Variants in SCGB2B2 observed in about 807,000 individuals in gnomAD.
SCGB2B2 encodes secretoglobin-like protein.
A neutral mutation model predicts 7.6 loss-of-function variants in SCGB2B2; 11 were observed. The ratio of observed to expected loss-of-function variants is 1.45; its 90% CI spans 0.91 to 2.40. SCGB2B2 has a LOEUF of 2.40. SCGB2B2 is among the 30% of genes most tolerant of loss of function. SCGB2B2 has a pLI of 0.00. For synonymous variants in SCGB2B2, 50 were observed against 48.6 expected, an observed-to-expected ratio of 1.03 and a Z score of -0.12; for missense variants, 104 against 115.4, an observed-to-expected ratio of 0.90 and a Z score of 0.45.
intron 1 of SCGB2B2, among the ~76,000 whole-genome samples, chr19:34,639,519 T>C (rs191175883): frequency 6.6e-6 from 1 of 152,338 alleles, no homozygotes; most frequent in East Asian, 1.9e-4. Flanking sequence ...GTAATTGCTA[T>C]ATAATGTCAC....
At chr19:34,669,227 A>G (rs1395148366) in intron 1 of SCGB2B2, among the ~76,000 whole-genome samples, 1 of 152,100 alleles carries the variant, frequency 6.6e-6, no homozygotes, top group Non-Finnish European at 1.5e-5. Context: ...CCAATTCCAG[A>G]CACAGTAGCA....
intron 1 of SCGB2B2, among the ~76,000 whole-genome samples, chr19:34,665,385 G>A (rs7253461): frequency 0.11 from 16,853 of 152,224 alleles, 986 homozygotes; most frequent in East Asian, 0.22. Flanking sequence ...CACGGGAGAT[G>A]TCTGATATCA....
At chr19:34,648,416 G>C (rs1016207218) in intron 1 of SCGB2B2, among the ~76,000 whole-genome samples, 1 of 152,198 alleles carries the variant, frequency 6.6e-6, no homozygotes, top group African/African-American at 2.4e-5. Flanking sequence ...CAAAGAAGCT[G>C]TTGATGTAAG....
intron 1 of SCGB2B2, among the ~76,000 whole-genome samples, chr19:34,658,761 A>C (rs940627084): frequency 6.7e-6 from 1 of 149,716 alleles, no homozygotes; most frequent in Non-Finnish European, 1.5e-5. Flanking sequence ...TGAGGCCAGC[A>C]TCATCCTGAT....
chr19:34,658,116 T>C (rs2067332919), intron 1 of SCGB2B2, among the ~76,000 whole-genome samples: 1 of 152,330 alleles, frequency 6.6e-6, no homozygotes, highest in South Asian at 2.1e-4. Flanking sequence ...GGGAAATTTA[T>C]AGCACTAAAT....
At chr19:34,647,096 G>T (rs543579613) in intron 1 of SCGB2B2, among the ~76,000 whole-genome samples, 1 of 151,422 alleles carries the variant, frequency 6.6e-6, no homozygotes, top group Admixed American at 6.6e-5. Context: ...AGGCCTCAGC[G>T]TCCCCATAAA....
chr19:34,624,320 G>A (rs558083667), intron 1 of SCGB2B2, among the ~76,000 whole-genome samples: 2 of 152,312 alleles, frequency 1.3e-5, no homozygotes, highest in South Asian at 4.1e-4. Flanking sequence ...TCCTCCTATA[G>A]AGTGCCATGA....
intron 1 of SCGB2B2, among the ~76,000 whole-genome samples, chr19:34,617,503 T>C (rs902429633): frequency 6.0e-5 from 9 of 151,052 alleles, no homozygotes; most frequent in African/African-American, 2.2e-4. Flanking sequence ...TGTTGGTGTA[T>C]AAGAATGCTT....
intron 1 of SCGB2B2, among the ~76,000 whole-genome samples, chr19:34,659,301 A>G (rs1019994131): frequency 1.3e-5 from 2 of 152,220 alleles, no homozygotes; most frequent in African/African-American, 4.8e-5. Flanking sequence ...GCAATAAGGC[A>G]AGAGAAAGAA....
chr19:34,627,841 C>G (rs1200389628), intron 1 of SCGB2B2, among the ~76,000 whole-genome samples: 1 of 152,212 alleles, frequency 6.6e-6, no homozygotes, highest in East Asian at 1.9e-4. Flanking sequence ...CCACATCGCA[C>G]TTCTTCCAAA....
At chr19:34,642,457 T>A (rs779779596) in intron 1 of SCGB2B2, among the ~76,000 whole-genome samples, 2 of 152,102 alleles carry the variant, frequency 1.3e-5, no homozygotes, top group Admixed American at 6.5e-5. Context: ...GGCTCACACC[T>A]GTAAGCCCAG....
chr19:34,611,792 G>A (rs975401666), intron 1 of SCGB2B2, among the ~76,000 whole-genome samples: 1 of 151,390 alleles, frequency 6.6e-6, no homozygotes, highest in Admixed American at 6.6e-5. Context: ...TGGGATTACA[G>A]GTGCCTGCTA....
chr19:34,589,347 G>C (rs910314670), downstream of SCGB2B2, among the ~76,000 whole-genome samples: 2 of 151,952 alleles, frequency 1.3e-5, no homozygotes, highest in South Asian at 2.1e-4. Context: ...GTGGCTCAGA[G>C]CCAGGGCAGG....
chr19:34,608,526 C>T (rs967049556), intron 1 of SCGB2B2, among the ~76,000 whole-genome samples: 6 of 151,008 alleles, frequency 4.0e-5, no homozygotes, highest in African/African-American at 9.8e-5. Context: ...TTTTTAGCTT[C>T]GGCAGATGAG....
At chr19:34,609,577 T>A (rs1277314877) in intron 1 of SCGB2B2, among the ~76,000 whole-genome samples, 2 of 152,158 alleles carry the variant, frequency 1.3e-5, no homozygotes, top group Non-Finnish European at 2.9e-5. Flanking sequence ...GAAGAGACTG[T>A]CCAATCCTCA....
intron 1 of SCGB2B2, among the ~76,000 whole-genome samples, chr19:34,611,824 T>A (rs2065935732): frequency 6.6e-6 from 1 of 151,502 alleles, no homozygotes; most frequent in Admixed American, 6.6e-5. Context: ...TAATTTTTTT[T>A]TGTATTTTTA....
At chr19:34,671,928 G>A (rs1223619891) in intron 1 of SCGB2B2, among the ~76,000 whole-genome samples, 1 of 151,904 alleles carries the variant, frequency 6.6e-6, no homozygotes, top group Admixed American at 6.6e-5. Flanking sequence ...TTTTCAAACT[G>A]GCAACTGTGA....
At chr19:34,669,909 C>G (rs1056941430) in intron 1 of SCGB2B2, among the ~76,000 whole-genome samples, 6 of 152,192 alleles carry the variant, frequency 3.9e-5, no homozygotes, top group Admixed American at 1.3e-4. Context: ...CAAGGGGAAC[C>G]CATAGGCCAC....
chr19:34,602,965 A>G (rs1247002895), intron 1 of SCGB2B2, among the ~76,000 whole-genome samples: 1 of 152,236 alleles, frequency 6.6e-6, no homozygotes, highest in African/African-American at 2.4e-5. Context: ...GTGTAAGGTT[A>G]GAGTGGTTTC....
Sources: allele counts gnomAD v4.1 joint callset (sites outside exome capture counted in the v4.1 genomes callset), GRCh38; gene constraint gnomAD v4.1.1; transcripts MANE v1.5; gene names NCBI Gene and HGNC (gene_info 2026-07-23, HGNC 2026-07-21).